Variants in FSTL5 observed in about 807,000 individuals in gnomAD.
The protein encoded by FSTL5 is follistatin like 5.
In FSTL5, 62 loss-of-function variants were observed where a neutral mutation model predicts 89.1. The ratio of observed to expected loss-of-function variants is 0.70; its 90% CI spans 0.57 to 0.86. The LOEUF (loss-of-function observed/expected upper bound fraction) is 0.86, where lower values mean the gene tolerates loss of function less well. FSTL5 is among the 40% of genes least tolerant of loss of function. FSTL5 has a pLI of 0.00. For synonymous variants in FSTL5, 383 were observed against 346.2 expected, an observed-to-expected ratio of 1.11 and a Z score of -1.18; for missense variants, 1,057 against 1,001.6, an observed-to-expected ratio of 1.06 and a Z score of -0.75.
chr4:161,661,483 T>C (rs1736708912), intron 6 of FSTL5, among the ~76,000 whole-genome samples: 1 of 151,938 alleles, frequency 6.6e-6, no homozygotes, highest in South Asian at 2.1e-4. Flanking sequence ...CAGAAATAGA[T>C]CAAAAAAAGA....
intron 4 of FSTL5, among the ~76,000 whole-genome samples, chr4:161,857,284 T>C (rs184100572): frequency 6.6e-6 from 1 of 152,144 alleles, no homozygotes. Context: ...TGTTGACTAA[T>C]GTATCTGCTG....
intron 6 of FSTL5, among the ~76,000 whole-genome samples, chr4:161,725,733 G>T (rs1204791222): frequency 6.6e-6 from 1 of 152,088 alleles, no homozygotes; most frequent in Admixed American, 6.6e-5. Flanking sequence ...CTCAATTATA[G>T]AAATAATGAT....
chr4:161,590,400 A>G (rs139242548), intron 7 of FSTL5, among the ~76,000 whole-genome samples: 2,109 of 152,116 alleles, frequency 0.014, 66 homozygotes, highest in South Asian at 0.14. Context: ...TTAGCTGGGC[A>G]TGGTGGCACA....
intron 7 of FSTL5, among the ~76,000 whole-genome samples, chr4:161,589,216 C>A (rs2126609114): frequency 6.6e-6 from 1 of 151,742 alleles, no homozygotes; most frequent in South Asian, 2.1e-4. Context: ...TCTTGTTGTC[C>A]AAGCTGAAGT....
At chr4:162,132,856 TA>T (rs1229725970) in intron 1 of FSTL5, among the ~76,000 whole-genome samples, 22 of 152,356 alleles carry the variant, frequency 1.4e-4, no homozygotes, top group African/African-American at 5.0e-4. Flanking sequence ...CACATGGTAT[TA>T]GGTGATTATA....
intron 13 of FSTL5, among the ~76,000 whole-genome samples, chr4:161,477,335 A>T (rs1049455854): frequency 6.6e-6 from 1 of 151,044 alleles, no homozygotes; most frequent in African/African-American, 2.4e-5. Flanking sequence ...TTTTTAAAGT[A>T]TATATATTTT....
chr4:162,154,619 A>C (rs748408986), intron 1 of FSTL5, among the ~76,000 whole-genome samples: 3 of 152,182 alleles, frequency 2.0e-5, no homozygotes, highest in Non-Finnish European at 4.4e-5. Context: ...CAGAGACCAA[A>C]GTTAAAAATG....
At chr4:162,138,979 T>A (rs1190697522) in intron 1 of FSTL5, among the ~76,000 whole-genome samples, 1 of 152,066 alleles carries the variant, frequency 6.6e-6, no homozygotes, top group Non-Finnish European at 1.5e-5. Context: ...TGGAAATAAC[T>A]CTCTATAATA....
At chr4:162,087,609 C>T (rs1258966648) in intron 2 of FSTL5, among the ~76,000 whole-genome samples, 1 of 152,076 alleles carries the variant, frequency 6.6e-6, no homozygotes, top group African/African-American at 2.4e-5. Context: ...ATCATGAGAG[C>T]CACTGGAATT....
chr4:161,842,346 C>A (rs9308038), intron 4 of FSTL5, among the ~76,000 whole-genome samples: 105,864 of 152,002 alleles, frequency 0.7, 37,208 homozygotes, highest in Non-Finnish European at 0.75. Flanking sequence ...AAAATGAACA[C>A]CAGTATAATC....
intron 4 of FSTL5, among the ~76,000 whole-genome samples, chr4:161,818,914 A>G (rs1207003814): frequency 6.6e-6 from 1 of 152,186 alleles, no homozygotes; most frequent in Non-Finnish European, 1.5e-5. Flanking sequence ...ACTTTTTTAA[A>G]TGCTGCAATT....
At chr4:161,878,788 A>G (rs1350565002) in intron 4 of FSTL5, among the ~76,000 whole-genome samples, 1 of 152,162 alleles carries the variant, frequency 6.6e-6, no homozygotes, top group African/African-American at 2.4e-5. Flanking sequence ...TATGGTTATT[A>G]TATTTAAATA....
At chr4:162,032,518 A>G (rs1402029447) in intron 3 of FSTL5, 3 of 152,330 alleles carry the variant, frequency 2.0e-5, no homozygotes, top group South Asian at 2.1e-4. Flanking sequence ...ATTCATTTGA[A>G]CAAAATATAT....
At chr4:161,521,595 C>T (rs113230065) in intron 10 of FSTL5, among the ~76,000 whole-genome samples, 50,266 of 151,712 alleles carry the variant, frequency 0.33, 8,699 homozygotes, top group Non-Finnish European at 0.38. Context: ...ATGCCTCTAA[C>T]CCCAGCACTT....
chr4:161,721,612 G>C (rs1739221206), intron 6 of FSTL5, among the ~76,000 whole-genome samples: 1 of 152,108 alleles, frequency 6.6e-6, no homozygotes, highest in Non-Finnish European at 1.5e-5. Context: ...CACAAGCCAG[G>C]CTCCCCCACT....
At chr4:161,401,652 G>A (rs897179549) in intron 15 of FSTL5, among the ~76,000 whole-genome samples, 9 of 152,058 alleles carry the variant, frequency 5.9e-5, no homozygotes, top group Non-Finnish European at 4.4e-5. Context: ...AGCCTCCATA[G>A]TAGCTGGGAC....
chr4:161,719,196 A>C (rs1426250977), intron 6 of FSTL5, among the ~76,000 whole-genome samples: 1 of 152,186 alleles, frequency 6.6e-6, no homozygotes, highest in East Asian at 1.9e-4. Context: ...ACATTTATTG[A>C]TGACAACATC....
intron 3 of FSTL5, among the ~76,000 whole-genome samples, chr4:161,955,166 A>G (rs1734995948): frequency 6.6e-6 from 1 of 151,686 alleles, no homozygotes; most frequent in African/African-American, 2.4e-5. Flanking sequence ...ATTTATTTCT[A>G]TACTTGTATA....
At chr4:161,705,056 C>T (rs1458728607) in intron 6 of FSTL5, among the ~76,000 whole-genome samples, 1 of 151,844 alleles carries the variant, frequency 6.6e-6, no homozygotes, top group East Asian at 1.9e-4. Flanking sequence ...ATTTATGTCT[C>T]TATTTATAAT....
Sources: gnomAD v4.1 joint callset for allele counts (sites outside exome capture counted in the v4.1 genomes callset) on GRCh38, gnomAD v4.1.1 for gene constraint, MANE v1.5 for transcripts, NCBI Gene and HGNC (gene_info 2026-07-23, HGNC 2026-07-21) for gene names.